The following KLHL32 variants were observed in gnomAD, a reference collection of about 807,000 sequenced individuals.
KLHL32 encodes the protein kelch-like protein 32.
KLHL32 carries 35 observed loss-of-function variants against 64.8 expected under a neutral mutation model. The ratio of observed to expected loss-of-function variants is 0.54; its 90% confidence interval spans 0.41 to 0.72. The LOEUF is 0.72. Ranked by LOEUF, KLHL32 falls within the 30% of genes least tolerant of loss-of-function variation. The pLI, the probability that KLHL32 is intolerant of heterozygous loss-of-function variation, is 0.00. For synonymous variants in KLHL32, 259 were observed against 281.0 expected, an observed-to-expected ratio of 0.92 and a Z score of 0.78; for missense variants, 589 against 768.5, an observed-to-expected ratio of 0.77 and a Z score of 2.76.
At chr6:96,933,465 C>G (rs1235993756) in intron 1 of KLHL32, among the ~76,000 whole-genome samples, 2 of 152,176 alleles carry the variant, frequency 1.3e-5, no homozygotes, top group Non-Finnish European at 1.5e-5. Context: ...CTTCTTGCCT[C>G]TCAACATTAA....
intron 1 of KLHL32, among the ~76,000 whole-genome samples, chr6:96,959,436 G>A (rs1480657035): frequency 6.6e-6 from 1 of 152,150 alleles, no homozygotes; most frequent in African/African-American, 2.4e-5. Context: ...GTGTTAACAG[G>A]GTTGGTTTCT....
In KLHL32 at chr6:97,114,053, G is replaced by C. The variant is rs140246562; in HGVS notation, c.898G>C (p.Glu300Gln). 1.4e-5 allele frequency: 23 copies of C among 1,614,056 alleles called. No individual in the cohort carries two copies. The highest frequency in any genetic ancestry group is 1.8e-5 in the Non-Finnish European group (21 of 1,180,042). ...TLYIIGGKKR[E>Q]VCKVKELRYF... ...GTATATCATTGGTGGGAAAAAGCGC[G>C]AGGTCTGCAAGGTCAAGGAACTTCG... Residue 300 changes from glutamate to glutamine, a missense_variant, in exon 7 of 11, where the codon GAG becomes CAG. Glu to Gln is a conservative substitution (Grantham distance 29). Around this residue, in one of 3 missense-constraint regions of KLHL32, gnomAD observed 226 missense variants for 353.2 expected, o/e 0.64. Transcript: ENST00000369261.
chr6:96,956,816 A>G (rs1308234456), intron 1 of KLHL32, among the ~76,000 whole-genome samples: 3 of 152,240 alleles, frequency 2.0e-5, no homozygotes, highest in African/African-American at 7.2e-5. Flanking sequence ...ATATGTAGGC[A>G]CTTGAACAAC....
intron 3 of KLHL32, chr6:96,999,539 T>C (rs2128075579): frequency 1.0e-6 from 1 of 979,824 alleles, no homozygotes; most frequent in African/African-American, 1.7e-5. Context: ...TTCCTGACAG[T>C]ATAAAAAGGT....
intron 8 of KLHL32, among the ~76,000 whole-genome samples, chr6:97,128,786 G>A (rs1799136710): frequency 6.6e-6 from 1 of 152,226 alleles, no homozygotes; most frequent in Non-Finnish European, 1.5e-5. Context: ...AGCGGTTGGT[G>A]GCTCACCTGG....
At chr6:97,018,425 T>TA (rs59522299) in intron 3 of KLHL32, among the ~76,000 whole-genome samples, 26,475 of 135,254 alleles carry the variant, frequency 0.2, 2,535 homozygotes, top group South Asian at 0.26. Flanking sequence ...TGTCTCTACT[T>TA]AAAAAAAAAA....
At chr6:97,135,299 ATTTTTT>A (rs747635380) in intron 10 of KLHL32, among the ~76,000 whole-genome samples, 4,851 of 109,564 alleles carry the variant, frequency 0.044, 123 homozygotes, top group Middle Eastern at 0.097. Flanking sequence ...AAATTTGTTA[ATTTTTT>A]TTTTTTTTTT....
At chr6:96,956,614 A>C (rs1175254497) in intron 1 of KLHL32, among the ~76,000 whole-genome samples, 1 of 152,166 alleles carries the variant, frequency 6.6e-6, no homozygotes, top group East Asian at 1.9e-4. Flanking sequence ...CTTTGGTAGG[A>C]TAAAGTGGTG....
chr6:97,094,308 G>A lies in KLHL32; in HGVS notation c.627+8967G>A, dbSNP rs576523290. Among the ~76,000 whole-genome samples, 4 of 152,216 alleles carry A rather than the reference G, an allele frequency of 2.6e-5. No homozygotes were observed. The East Asian group carries it at 7.7e-4, about 29-fold the overall frequency. On this transcript the variant is annotated intron_variant, in intron 6 of 10. Coordinates refer to ENST00000369261, the MANE Select transcript of KLHL32 (RefSeq NM_052904.4). Reference sequence around the variant, plus strand: ...CTTATAAAGTGACCCAGAGGCTCTAGAATTATTTACATTCTAAGGAGATGT... The same window carrying A: ...CTTATAAAGTGACCCAGAGGCTCTAAAATTATTTACATTCTAAGGAGATGT...
intron 10 of KLHL32, 57 bp from the exon 11 acceptor site, chr6:97,139,064 G>A: frequency 6.6e-7 from 1 of 1,514,338 alleles, no homozygotes; most frequent in Non-Finnish European, 8.9e-7. Context: ...TGTATACATA[G>A]CTTTATTTTG....
At chr6:96,992,887 C>G (rs972695682) in intron 3 of KLHL32, among the ~76,000 whole-genome samples, 1 of 152,230 alleles carries the variant, frequency 6.6e-6, no homozygotes, top group African/African-American at 2.4e-5. Context: ...ATCTGTCTCC[C>G]TCAGTACCAA....
chr6:96,999,383 A>C, intron 3 of KLHL32: 1 of 230,044 alleles, frequency 4.3e-6, no homozygotes, highest in Non-Finnish European at 7.2e-6. Context: ...TTGACAGAGT[A>C]AGACTCTGTC....
At chr6:96,922,984 A>T (rs1041874723), upstream of KLHL32, among the ~76,000 whole-genome samples, 3 of 152,218 alleles carry the variant, frequency 2.0e-5, no homozygotes, top group African/African-American at 7.2e-5. Flanking sequence ...GTGTCAATGA[A>T]CAATATTTAG....
At chr6:97,101,274 C>T (rs1489356174) in intron 6 of KLHL32, among the ~76,000 whole-genome samples, 4 of 152,194 alleles carry the variant, frequency 2.6e-5, no homozygotes, top group Middle Eastern at 3.4e-3. Flanking sequence ...GATTCGTGTG[C>T]GTTTCTGAAA....
intron 2 of KLHL32, among the ~76,000 whole-genome samples, chr6:96,969,474 A>G (rs535289299): frequency 1.8e-4 from 27 of 152,056 alleles, no homozygotes; most frequent in Admixed American, 5.2e-4. Context: ...CATTTCCTGT[A>G]TTTTTGATGC....
intron 3 of KLHL32, among the ~76,000 whole-genome samples, chr6:96,986,406 C>T (rs1454415133): frequency 1.3e-5 from 2 of 152,200 alleles, no homozygotes; most frequent in South Asian, 2.1e-4. Flanking sequence ...GGCTGTCAGA[C>T]AGGGACATTT....
At chr6:96,916,704 T>C in the KLHL32 span, among the ~76,000 whole-genome samples, 1 of 152,210 alleles carries the variant, frequency 6.6e-6, no homozygotes, top group East Asian at 1.9e-4. Context: ...ATCTGTATTT[T>C]GCCCATTCAA....
At chr6:97,067,658 A>G (rs1006779379) in intron 5 of KLHL32, among the ~76,000 whole-genome samples, 4 of 152,068 alleles carry the variant, frequency 2.6e-5, no homozygotes, top group Admixed American at 2.6e-4. Flanking sequence ...ACCCCTTAAC[A>G]CTGGTGGGTG....
chr6:97,082,243 G>A (rs914299983), intron 5 of KLHL32, among the ~76,000 whole-genome samples: 2 of 152,150 alleles, frequency 1.3e-5, no homozygotes, highest in African/African-American at 4.8e-5. Context: ...CAGCTTTTGG[G>A]TTCTTGATGT....
Sources: gnomAD v4.1 joint callset for allele counts (sites outside exome capture counted in the v4.1 genomes callset) on GRCh38, gnomAD v4.1.1 for gene constraint, gnomAD v4.1.1 regional missense constraint, MANE v1.5 for transcripts, NCBI Gene and HGNC (gene_info 2026-07-23, HGNC 2026-07-21) for gene names.